PCGF5: variants seen among roughly 807,000 people sequenced by gnomAD.
PCGF5 encodes the protein polycomb group RING finger protein 5.
In PCGF5, 9 loss-of-function variants were observed where a neutral mutation model predicts 44.3. The ratio of observed to expected loss-of-function variants is 0.20; its 90% CI spans 0.12 to 0.35. The LOEUF is 0.35. Ranked by LOEUF, PCGF5 falls within the 10% of genes least tolerant of loss-of-function variation. The pLI is 1.00. For synonymous variants in PCGF5, 95 were observed against 102.5 expected, an observed-to-expected ratio of 0.93 and a Z score of 0.44; for missense variants, 146 against 305.3, an observed-to-expected ratio of 0.48 and a Z score of 3.89.
chr10:91,180,939 G>A (rs555409017), intron 1 of PCGF5, among the ~76,000 whole-genome samples: 68 of 152,300 alleles, frequency 4.5e-4, no homozygotes, highest in African/African-American at 1.5e-3. Flanking sequence ...ATTGCTTTGG[G>A]CAGTATGGCC....
intron 8 of PCGF5, 91 bp downstream of exon 8, chr10:91,264,611 A>G (rs774314294): frequency 2.0e-6 from 2 of 1,000,530 alleles, no homozygotes; most frequent in Non-Finnish European, 2.9e-6. Flanking sequence ...AAAAAAGACA[A>G]ACTAGCTTGG....
At chr10:91,231,093 C>T (rs566396634) in intron 2 of PCGF5, among the ~76,000 whole-genome samples, 6 of 152,296 alleles carry the variant, frequency 3.9e-5, no homozygotes, top group African/African-American at 1.4e-4. Flanking sequence ...TAAACTCAGT[C>T]GTCTCCCTTG....
At chr10:91,231,184 G>A (rs1412948924) in intron 2 of PCGF5, among the ~76,000 whole-genome samples, 2 of 152,128 alleles carry the variant, frequency 1.3e-5, no homozygotes, top group Non-Finnish European at 2.9e-5. Context: ...GTTCCCTTTA[G>A]TATTCCTAAC....
At chr10:91,173,843 T>TA (rs553901406) in intron 1 of PCGF5, among the ~76,000 whole-genome samples, 10 of 151,864 alleles carry the variant, frequency 6.6e-5, no homozygotes, top group African/African-American at 1.9e-4. Context: ...TGGATGGAAG[T>TA]AAAAAAAATT....
chr10:91,160,064 A>C (rs1335739635), upstream of PCGF5, among the ~76,000 whole-genome samples: 1 of 152,182 alleles, frequency 6.6e-6, no homozygotes, highest in African/African-American at 2.4e-5. Flanking sequence ...CAAGTTTCTG[A>C]AATATGGCTT....
intron 6 of PCGF5, among the ~76,000 whole-genome samples, 177 bp downstream of exon 6, chr10:91,251,617 C>T (rs1845625583): frequency 1.3e-5 from 2 of 152,008 alleles, no homozygotes; most frequent in Admixed American, 1.3e-4. Flanking sequence ...ATTCCCACAA[C>T]TGAACTGTCT....
At chr10:91,236,521 A>G (rs769156206) in intron 2 of PCGF5, among the ~76,000 whole-genome samples, 1 of 152,216 alleles carries the variant, frequency 6.6e-6, no homozygotes, top group Non-Finnish European at 1.5e-5. Context: ...GTCTGTATAC[A>G]TAGTCTTAAC....
intron 2 of PCGF5, among the ~76,000 whole-genome samples, chr10:91,231,571 G>T (rs986595252): frequency 2.6e-4 from 40 of 152,184 alleles, no homozygotes; most frequent in African/African-American, 9.7e-4. Context: ...GGCCCATGTG[G>T]CTGGACAGCA....
chr10:91,200,655 G>A (rs1247425581), intron 1 of PCGF5, among the ~76,000 whole-genome samples: 2 of 152,112 alleles, frequency 1.3e-5, no homozygotes, highest in Non-Finnish European at 2.9e-5. Context: ...GAACATAATT[G>A]GCAGAGGCTG....
At chr10:91,187,360 G>A (rs1351069681) in intron 1 of PCGF5, among the ~76,000 whole-genome samples, 1 of 152,046 alleles carries the variant, frequency 6.6e-6, no homozygotes, top group East Asian at 1.9e-4. Flanking sequence ...ATTTTGTAGT[G>A]ATCTGGCAGG....
rs1359115011 is a variant in PCGF5 at position 91,195,465 on chromosome 10, TGCATGCATATATATATATATAG to T, written c.-183-27223_-183-27202del. 3.4e-3 allele frequency among the ~76,000 whole-genome samples: 340 copies of T among 100,222 alleles called. 1 individual carries two copies. The highest frequency in any genetic ancestry group is 0.011 in the African/African-American group (329 of 30,694). 65.7% of individuals were successfully genotyped at this position (100,222 alleles called of 152,430 possible). ...ATGTATATATATGCATATATATATA[TGCATGCATATATATATATATAG>T]AGAGAGAGAGAGAGAGAGAGACGCA... On this transcript the variant is annotated intron_variant, in intron 1 of 9. Transcript: ENST00000614189.
upstream of PCGF5, among the ~76,000 whole-genome samples, chr10:91,216,289 A>AAG (rs1844537478): frequency 6.6e-6 from 1 of 152,176 alleles, no homozygotes; most frequent in South Asian, 2.1e-4. Flanking sequence ...TAATACGTGA[A>AAG]AGGATATATA....
chr10:91,162,725 A>T (rs1247369472), upstream of PCGF5, among the ~76,000 whole-genome samples: 1 of 146,802 alleles, frequency 6.8e-6, no homozygotes, highest in Non-Finnish European at 1.5e-5. Context: ...CGGCGGCTCG[A>T]GGAGGCCTGG....
chr10:91,211,853 C>T (rs893379558), intron 1 of PCGF5, among the ~76,000 whole-genome samples: 5 of 152,114 alleles, frequency 3.3e-5, no homozygotes, highest in African/African-American at 1.2e-4. Flanking sequence ...GGTTATAGAG[C>T]TTATCTGGAA....
At chr10:91,229,066 A>G (rs575774323) in intron 2 of PCGF5, among the ~76,000 whole-genome samples, 2 of 152,214 alleles carry the variant, frequency 1.3e-5, no homozygotes, top group African/African-American at 2.4e-5. Context: ...AATATTAGCT[A>G]TTGTTTTATT....
At chr10:91,266,090 C>T (rs1846043743) in intron 8 of PCGF5, among the ~76,000 whole-genome samples, 1 of 152,166 alleles carries the variant, frequency 6.6e-6, no homozygotes, top group African/African-American at 2.4e-5. Context: ...ACAGATTGCA[C>T]AGGTAGTAAA....
intron 1 of PCGF5, among the ~76,000 whole-genome samples, chr10:91,210,814 A>G (rs1844438762): frequency 6.6e-6 from 1 of 152,238 alleles, no homozygotes; most frequent in African/African-American, 2.4e-5. Context: ...AAATCACTGT[A>G]ACATCTCAAA....
chr10:91,190,818 GA>G (rs1275664512), intron 1 of PCGF5, among the ~76,000 whole-genome samples: 2 of 152,336 alleles, frequency 1.3e-5, no homozygotes, highest in East Asian at 3.9e-4. Flanking sequence ...TCAAAAAGCA[GA>G]AGGTTGTGAT....
At chr10:91,183,582 A>G (rs1387462843) in intron 1 of PCGF5, among the ~76,000 whole-genome samples, 1 of 152,004 alleles carries the variant, frequency 6.6e-6, no homozygotes, top group Non-Finnish European at 1.5e-5. Context: ...GTTAGTATTG[A>G]TATGTGAGGA....
Sources: allele counts gnomAD v4.1 joint callset (sites outside exome capture counted in the v4.1 genomes callset), GRCh38; gene constraint gnomAD v4.1.1; transcripts MANE v1.5; gene names NCBI Gene and HGNC (gene_info 2026-07-23, HGNC 2026-07-21).